The following HIPK2 variants were observed in gnomAD, a reference collection of about 807,000 sequenced individuals.
The protein encoded by HIPK2 is homeodomain-interacting protein kinase 2.
HIPK2 carries 27 observed loss-of-function variants against 113.7 expected under a neutral mutation model. That is an observed-to-expected ratio of 0.24 (90% CI 0.17 to 0.33). The LOEUF (loss-of-function observed/expected upper bound fraction) is 0.33, where lower values mean the gene tolerates loss of function less well. Ranked by LOEUF, HIPK2 falls within the 10% of genes least tolerant of loss-of-function variation. The pLI is 1.00. For missense variants in HIPK2, 1,257 were observed against 1,588.0 expected (o/e 0.79, Z 3.54); for synonymous variants, 631 against 642.2 (o/e 0.98, Z 0.26).
intron 2 of HIPK2, among the ~76,000 whole-genome samples, chr7:139,634,057 C>A (rs1269996866): frequency 6.6e-6 from 1 of 151,658 alleles, no homozygotes; most frequent in African/African-American, 2.4e-5. Flanking sequence ...GTGCCATGAG[C>A]CATGATTTGC....
chr7:139,605,377 T>G lies in HIPK2; in HGVS notation c.2113-1154A>C, dbSNP rs577038125. Among the ~76,000 whole-genome samples the G allele has an allele frequency of 2.0e-3, 308 of 152,250 alleles. 4 individuals are homozygous for G. The highest frequency in any genetic ancestry group is 1.4e-3 in the Non-Finnish European group (92 of 68,014). ...AGTTGGACACTTAAAGCATAGTCAC[T>G]AAGGTAAAATACCTTTTGGACAGAT... On this transcript the variant is annotated intron_variant, in intron 9 of 14. Transcript: ENST00000406875.
chr7:139,736,197 C>G (rs1436395244), intron 1 of HIPK2, among the ~76,000 whole-genome samples: 1 of 152,106 alleles, frequency 6.6e-6, no homozygotes, highest in Admixed American at 6.5e-5. Flanking sequence ...AGGGAAGGTG[C>G]AGACAACAAA....
intron 1 of HIPK2, among the ~76,000 whole-genome samples, chr7:139,735,021 TAAAG>T (rs1193757546): frequency 6.6e-6 from 1 of 152,168 alleles, no homozygotes; most frequent in Non-Finnish European, 1.5e-5. Context: ...CATACCTAAA[TAAAG>T]AGAGATGATG....
rs781660779 is a variant in HIPK2 at position 139,715,962 on chromosome 7, C to G, written c.1073G>C (p.Cys358Ser). The G allele has an allele frequency of 6.2e-7, 1 of 1,614,136 alleles. No individual in the cohort carries two copies. Among genetic ancestry groups the G allele is most frequent in the Non-Finnish European group, 8.5e-7 (1 of 1,180,004 alleles). The change falls in exon 2 of 15, where the codon TGC (cysteine) becomes TCC (serine). Residue 358 changes from cysteine (C) to serine (S), a missense_variant. Transcript: ENST00000406875. The stretch of plus-strand genomic sequence containing the variant: ...ATATCTGGACTGCAAGTAGGTGGAG[C>G]ACACAGCCTTGGAGACGTGGCTGGC... ...GSASHVSKAVCSTYLQSRYYR... is the reference protein window; with the variant it reads ...GSASHVSKAVSSTYLQSRYYR...
chr7:139,658,787 A>G (rs1482639088), intron 2 of HIPK2, among the ~76,000 whole-genome samples: 1 of 152,208 alleles, frequency 6.6e-6, no homozygotes, highest in Non-Finnish European at 1.5e-5. Context: ...GCAAAACCCC[A>G]GGTTGCTGAA....
At position 139,708,774 on chromosome 7, in the gene HIPK2, C is replaced by T. The variant is rs186004363; in HGVS notation, c.1103+7158G>A. On this transcript the variant is annotated intron_variant, in intron 2 of 14. Transcript: ENST00000406875. ...CTTGTGTCTTTCACCACATGGTGGG[C>T]GTGTGTGCATTATCAGTAGCTCTGT... Among the ~76,000 whole-genome samples the T allele has an allele frequency of 2.0e-5, 3 of 152,282 alleles. No homozygotes were observed. The East Asian group carries it at 5.8e-4, about 29-fold the overall frequency.
chr7:139,622,783 G>A (rs543339520), intron 6 of HIPK2, among the ~76,000 whole-genome samples: 1 of 152,332 alleles, frequency 6.6e-6, no homozygotes, highest in South Asian at 2.1e-4. Flanking sequence ...AAGCCTAGGT[G>A]TGTTCAGAGA....
chr7:139,686,268 C>A (rs944206261), intron 2 of HIPK2, among the ~76,000 whole-genome samples: 1 of 152,186 alleles, frequency 6.6e-6, no homozygotes, highest in Non-Finnish European at 1.5e-5. Context: ...GCTGCACTCT[C>A]ATGATCAAAC....
chr7:139,690,608 C>G (rs887683259), intron 2 of HIPK2, among the ~76,000 whole-genome samples: 1 of 151,770 alleles, frequency 6.6e-6, no homozygotes, highest in Non-Finnish European at 1.5e-5. Flanking sequence ...CCCAGGAGTT[C>G]GAGACCAGCC....
intron 9 of HIPK2, among the ~76,000 whole-genome samples, chr7:139,605,267 TTG>T (rs1302248655): frequency 6.6e-6 from 1 of 151,892 alleles, no homozygotes; most frequent in Non-Finnish European, 1.5e-5. Context: ...TGTGTGTATG[TTG>T]TGTTTTAAGC....
Position 139,717,003 on chromosome 7 carries a change from T to G in HIPK2, c.32A>C (p.His11Pro), listed in dbSNP as rs771234997. Reference sequence around the variant, plus strand: ...GGTGTGAGGGGAGAAAACTTGCACATGTGAGGCCATACCTACAAGGAAAGG... The same window carrying G: ...GGTGTGAGGGGAGAAAACTTGCACAGGTGAGGCCATACCTACAAGGAAAGG... MAPVYEGMAS[H>P]VQVFSPHTLQ... The change falls in exon 2 of 15, where the codon CAT (histidine) becomes CCT (proline). Residue 11 changes from histidine to proline, a missense_variant. Physicochemically the swap from His to Pro is moderately conservative, Grantham distance 77. Coordinates refer to ENST00000406875, the MANE Select transcript of HIPK2 (RefSeq NM_022740.5). 50 of 1,609,140 alleles carry G rather than the reference T, an allele frequency of 3.1e-5. No individual in the cohort carries two copies. In the South Asian group the frequency reaches 5.3e-4, roughly 17 times the overall value.
chr7:139,656,177 C>T (rs141127008), intron 2 of HIPK2, among the ~76,000 whole-genome samples: 1 of 152,228 alleles, frequency 6.6e-6, no homozygotes, highest in Non-Finnish European at 1.5e-5. Context: ...CAGGCATCTA[C>T]CACCAGGCAG....
chr7:139,602,758 C>T (rs868285446), intron 10 of HIPK2, among the ~76,000 whole-genome samples: 4 of 152,268 alleles, frequency 2.6e-5, no homozygotes, highest in Non-Finnish European at 2.9e-5. Context: ...TATTTAATGC[C>T]TGTCATGTAC....
Position 139,573,890 on chromosome 7 carries a change from T to C in HIPK2, c.3127-493A>G, listed in dbSNP as rs184103826. 1.3e-3 allele frequency among the ~76,000 whole-genome samples: 204 copies of C among 152,034 alleles called. 1 individual carries two copies. The highest frequency in any genetic ancestry group is 4.8e-3 in the African/African-American group (198 of 41,486). Reference sequence around the variant, plus strand: ...TTACTTGGACTGAGAAAATCCCGACTTGGCCTGCCACTCACTGGGCTGGGA... The same window carrying C: ...TTACTTGGACTGAGAAAATCCCGACCTGGCCTGCCACTCACTGGGCTGGGA... On this transcript the variant is annotated intron_variant, in intron 14 of 14. Transcript: ENST00000406875.
At chr7:139,718,988 GC>G (rs1229186327) in intron 1 of HIPK2, among the ~76,000 whole-genome samples, 1 of 152,082 alleles carries the variant, frequency 6.6e-6, no homozygotes, top group Non-Finnish European at 1.5e-5. Flanking sequence ...CCTTGTTTCA[GC>G]CCGTTCTTCT....
In HIPK2 at chr7:139,583,905, G is replaced by A; in HGVS notation, c.2877C>T (p.His959=). The change falls in exon 13 of 15, where the codon CAC becomes CAT. Residue 959 remains histidine, a synonymous_variant. Transcript: ENST00000406875. Reference sequence around the variant, plus strand: ...TGATGGTTCGGGGGTTCCCCGTGCAGTGATTCTCCAGGCTCCCCTTGGTGT... The same window carrying A: ...TGATGGTTCGGGGGTTCCCCGTGCAATGATTCTCCAGGCTCCCCTTGGTGT... The part of the protein sequence containing the change: ...AFDTKGSLEN[H]CTGNPRTIIV... 6.2e-7 allele frequency: 1 copy of A among 1,613,976 alleles called. No individual in the cohort carries two copies. The highest frequency in any genetic ancestry group is 8.5e-7 in the Non-Finnish European group (1 of 1,179,876).
Position 139,721,518 on chromosome 7 carries a change from C to T in HIPK2, c.20-4503G>A, listed in dbSNP as rs919257237. On this transcript the variant is annotated intron_variant, in intron 1 of 14. Coordinates refer to ENST00000406875, the MANE Select transcript of HIPK2 (RefSeq NM_022740.5). ...GCAGAGGGGGACTCAATGTTTTTTTCCACTTGAAAGTAAAAGCTAAATGTC... is the reference window on the plus strand; with the variant it reads ...GCAGAGGGGGACTCAATGTTTTTTTTCACTTGAAAGTAAAAGCTAAATGTC... 2.6e-5 allele frequency among the ~76,000 whole-genome samples: 4 copies of T among 152,256 alleles called. No homozygotes were observed. In the South Asian group the frequency reaches 8.3e-4, roughly 32 times the overall value.
chr7:139,736,044 C>T (rs1460409407), intron 1 of HIPK2, among the ~76,000 whole-genome samples: 1 of 151,984 alleles, frequency 6.6e-6, no homozygotes, highest in East Asian at 1.9e-4. Flanking sequence ...TGCCTAGTTT[C>T]GATTTTGTTC....
intron 1 of HIPK2, among the ~76,000 whole-genome samples, chr7:139,752,537 C>T (rs1221190288): frequency 6.6e-6 from 1 of 152,060 alleles, no homozygotes; most frequent in Non-Finnish European, 1.5e-5. Context: ...CCAAAATCTT[C>T]CTGAAAGCAC....
Sources: allele counts gnomAD v4.1 joint callset (sites outside exome capture counted in the v4.1 genomes callset), GRCh38; gene constraint gnomAD v4.1.1; transcripts MANE v1.5; gene names NCBI Gene and HGNC (gene_info 2026-07-23, HGNC 2026-07-21).